CARNMT1: variants seen among roughly 807,000 people sequenced by gnomAD.
CARNMT1 encodes protein-L-histidine N-pros-methyltransferase CARNMT1.
CARNMT1 carries 28 observed loss-of-function variants against 49.6 expected under a neutral mutation model. The ratio of observed to expected loss-of-function variants is 0.56; its 90% CI spans 0.42 to 0.77. CARNMT1 has a LOEUF of 0.77. Ranked by LOEUF, CARNMT1 falls within the 30% of genes least tolerant of loss-of-function variation. The pLI is 0.00. For synonymous variants in CARNMT1, 178 were observed against 175.0 expected, an observed-to-expected ratio of 1.02 and a Z score of -0.13; for missense variants, 421 against 512.6, an observed-to-expected ratio of 0.82 and a Z score of 1.73.
At chr9:75,026,934 C>A in intron 1 of CARNMT1, 1 of 436,686 alleles carries the variant, frequency 2.3e-6, no homozygotes, top group South Asian at 2.0e-5. Context: ...AGCCCCTGCC[C>A]TTGAGGAGGT....
chr9:75,025,942 AATTTATCCAGATATG>A (rs1466940469), intron 1 of CARNMT1, among the ~76,000 whole-genome samples: 1 of 152,236 alleles, frequency 6.6e-6, no homozygotes, highest in African/African-American at 2.4e-5. Flanking sequence ...TTTTAGCTTA[AATTTATCCAGATATG>A]ATTAGTGGCT....
chr9:74,992,283 GA>G (rs1382630379), intron 6 of CARNMT1, among the ~76,000 whole-genome samples: 7 of 149,860 alleles, frequency 4.7e-5, no homozygotes, highest in South Asian at 2.1e-4. Flanking sequence ...AAAAAAAAAA[GA>G]AAAAAAAATT....
rs1822588543 is a variant in CARNMT1, at chr9:75,028,168, C to A, written c.74G>T (p.Ser25Ile). 6.6e-7 allele frequency: 1 copy of A among 1,524,320 alleles called. No individual in the cohort carries two copies. Among genetic ancestry groups the A allele is most frequent in the African/African-American group, 1.4e-5 (1 of 69,358 alleles). 94.4% of individuals were successfully genotyped at this position (1,524,320 alleles called of 1,614,324 possible). ...GGAAAACTGCACTTCCACCTCCTCG[C>A]TGCCACCGCCTCCTCCCCCGCAGCC... ...PEGCGGGGGG[S>I]EEVEVQFSAG... The change falls in exon 1 of 8, where the codon AGC becomes ATC. Residue 25 changes from serine to isoleucine, a missense_variant. Physicochemically the swap from Ser to Ile is moderately radical, Grantham distance 142. Coordinates refer to ENST00000376834, the MANE Select transcript of CARNMT1 (RefSeq NM_152420.3).
chr9:74,998,136 T>A (rs577917615), intron 5 of CARNMT1, among the ~76,000 whole-genome samples: 2 of 152,258 alleles, frequency 1.3e-5, no homozygotes, highest in South Asian at 4.1e-4. Flanking sequence ...TAGCAATAGC[T>A]CCTATTAAAT....
Position 74,983,553 on chromosome 9 carries a change from T to C in CARNMT1, c.*214A>G, listed in dbSNP as rs1832741113. On this transcript the variant is annotated 3_prime_UTR_variant, in exon 8 of 8. Coordinates refer to ENST00000376834, the MANE Select transcript of CARNMT1 (RefSeq NM_152420.3). Reference sequence around the variant, plus strand: ...TACTTCAAGACATTTCCTCCATTTTTACTTGTGTAGTACAAATCTGCATGG... The same window carrying C: ...TACTTCAAGACATTTCCTCCATTTTCACTTGTGTAGTACAAATCTGCATGG... The C allele has an allele frequency of 2.7e-6, 1 of 365,870 alleles. No homozygotes were observed. Among genetic ancestry groups the C allele is most frequent in the Admixed American group, 4.5e-5 (1 of 22,030 alleles). The allele number at this position is 365,870 out of a possible 1,614,324, so 22.7% of individuals were successfully genotyped here.
At chr9:75,012,008 C>T (rs1287690633) in intron 3 of CARNMT1, among the ~76,000 whole-genome samples, 1 of 152,156 alleles carries the variant, frequency 6.6e-6, no homozygotes, top group East Asian at 1.9e-4. Context: ...TTAAGCCAAG[C>T]CCAGACTCCT....
chr9:75,016,273 C>G lies in CARNMT1; in HGVS notation c.585G>C (p.Glu195Asp), dbSNP rs746241409. 4 of 1,612,374 alleles carry G rather than the reference C, an allele frequency of 2.5e-6. No individual in the cohort carries two copies. The highest frequency in any genetic ancestry group is 4.5e-5 in the East Asian group (2 of 44,864). Residue 195 changes from glutamate to aspartate, a missense_variant, in exon 3 of 8, where the codon GAG becomes GAC. Around this residue, in one of 2 missense-constraint regions of CARNMT1, gnomAD observed 235 missense variants for 344.8 expected, o/e 0.68. Transcript: ENST00000376834. ...IKEILKNFPK[E>D]RWDPSKVNIL... ...AAAAATGAGGTACTATTTACCATCTCTCTTTTGGAAAATTTTTTAAAATTT... is the reference window on the plus strand; with the variant it reads ...AAAAATGAGGTACTATTTACCATCTGTCTTTTGGAAAATTTTTTAAAATTT...
Position 74,986,456 on chromosome 9 carries a change from AAT to A in CARNMT1, c.1025-1448_1025-1447del, listed in dbSNP as rs1832842402. 2.6e-5 allele frequency among the ~76,000 whole-genome samples: 4 copies of A among 152,318 alleles called. No homozygotes were observed. In the South Asian group the frequency reaches 6.2e-4, roughly 24 times the overall value. Reference sequence around the variant, plus strand: ...AATTTGTTATATTAGTACCAGTAAAAATGATTGTTTTCTACCATTTCCTGAGC... The same window carrying A: ...AATTTGTTATATTAGTACCAGTAAAAGATTGTTTTCTACCATTTCCTGAGC... On this transcript the variant is annotated intron_variant, in intron 6 of 7. Coordinates refer to ENST00000376834, the MANE Select transcript of CARNMT1 (RefSeq NM_152420.3).
At position 74,981,366 on chromosome 9, in the gene CARNMT1, T is replaced by A. The variant is rs1315516610; in HGVS notation, c.*2401A>T. On this transcript the variant is annotated 3_prime_UTR_variant, in exon 8 of 8. Transcript: ENST00000376834. ...TAAAGTAAATGAAAATGTTTGTGTA[T>A]AAAGCTAATTTAAGAAAAACATTTT... 1 of 152,144 alleles carries A rather than the reference T, an allele frequency of 6.6e-6. No homozygotes were observed. Among genetic ancestry groups the A allele is most frequent in the Non-Finnish European group, 1.5e-5 (1 of 67,988 alleles). 9.4% of individuals were successfully genotyped at this position (152,144 alleles called of 1,614,324 possible). A position where few individuals can be genotyped will look rare whatever the true frequency, so the allele number is the denominator to read the frequency against.
intron 3 of CARNMT1, among the ~76,000 whole-genome samples, chr9:75,015,437 TA>T (rs1275639359): frequency 4.6e-5 from 7 of 152,300 alleles, no homozygotes; most frequent in African/African-American, 1.7e-4. Context: ...TTGATAACTG[TA>T]TTTCAAAATC....
intron 1 of CARNMT1, among the ~76,000 whole-genome samples, chr9:75,022,940 A>G (rs574278933): frequency 6.6e-6 from 1 of 152,060 alleles, no homozygotes; most frequent in African/African-American, 2.4e-5. Context: ...TTCGAGATCA[A>G]GAACATCCTG....
In CARNMT1 at chr9:75,017,045, A is replaced by G. The variant is rs1186435154; in HGVS notation, c.426+208T>C. On this transcript the variant is annotated intron_variant, in intron 2 of 7. Coordinates refer to ENST00000376834, the MANE Select transcript of CARNMT1 (RefSeq NM_152420.3). Reference sequence around the variant, plus strand: ...AAAATGCATCAAAATCTCAACAGTTATATTAGTACTTAAAAAAGGAAAACA... The same window carrying G: ...AAAATGCATCAAAATCTCAACAGTTGTATTAGTACTTAAAAAAGGAAAACA... 5.8e-6 allele frequency: 3 copies of G among 513,374 alleles called. No individual in the cohort carries two copies. The African/African-American group carries it at 5.9e-5, about 10-fold the overall frequency. 31.8% of individuals were successfully genotyped at this position (513,374 alleles called of 1,614,324 possible). A position where few individuals can be genotyped will look rare whatever the true frequency, so the allele number is the denominator to read the frequency against.
Position 74,981,932 on chromosome 9 carries a change from A to T in CARNMT1, c.*1835T>A, listed in dbSNP as rs1272947401. ...TTGAGTTTTTTTTTTCTTCCTTGCC[A>T]CTAAATTCAAACTCATTCATGTAAG... On this transcript the variant is annotated 3_prime_UTR_variant, in exon 8 of 8. Transcript: ENST00000376834. 6.6e-6 allele frequency: 1 copy of T among 151,444 alleles called. No homozygotes were observed. The allele number at this position is 151,444 out of a possible 1,614,324, so 9.4% of individuals were successfully genotyped here.
intron 1 of CARNMT1, among the ~76,000 whole-genome samples, chr9:75,023,616 A>C (rs1029882379): frequency 6.6e-6 from 1 of 152,228 alleles, no homozygotes; most frequent in Non-Finnish European, 1.5e-5. Flanking sequence ...AAAGTTGAGA[A>C]TATAGTCCAA....
At position 74,983,043 on chromosome 9, in the gene CARNMT1, C is replaced by G. The variant is rs1832726584; in HGVS notation, c.*724G>C. 1 of 152,020 alleles carries G rather than the reference C, an allele frequency of 6.6e-6. No individual in the cohort carries two copies. The highest frequency in any genetic ancestry group is 1.5e-5 in the Non-Finnish European group (1 of 68,000). The allele number at this position is 152,020 out of a possible 1,614,324, so 9.4% of individuals were successfully genotyped here. A position where few individuals can be genotyped will look rare whatever the true frequency, so the allele number is the denominator to read the frequency against. ...ATGTTTGATGCTTCTTTAAGTTCAT[C>G]TGAGCCAGAAAATACAAAATTAAAT... On this transcript the variant is annotated 3_prime_UTR_variant, in exon 8 of 8. Coordinates refer to ENST00000376834, the MANE Select transcript of CARNMT1 (RefSeq NM_152420.3).
intron 6 of CARNMT1, among the ~76,000 whole-genome samples, chr9:74,989,113 T>A (rs577305692): frequency 1.3e-5 from 2 of 152,294 alleles, no homozygotes; most frequent in African/African-American, 4.8e-5. Context: ...TTATTCTTTT[T>A]TTCATTTTTT....
chr9:75,006,223 T>A (rs1188258947), intron 3 of CARNMT1, among the ~76,000 whole-genome samples: 1 of 152,076 alleles, frequency 6.6e-6, no homozygotes, highest in Admixed American at 6.5e-5. Context: ...AGCAAATTTT[T>A]GTATTTTTAG....
intron 3 of CARNMT1, among the ~76,000 whole-genome samples, chr9:75,005,358 A>T (rs1232304239): frequency 6.6e-6 from 1 of 152,238 alleles, no homozygotes; most frequent in African/African-American, 2.4e-5. Context: ...ACTCAGGCAT[A>T]TTAAAAACTT....
chr9:74,987,131 T>C (rs150604848), intron 6 of CARNMT1, among the ~76,000 whole-genome samples: 1 of 152,330 alleles, frequency 6.6e-6, no homozygotes, highest in East Asian at 1.9e-4. Context: ...CAAAGAGTTA[T>C]AAGTTTTCAC....
Sources: gnomAD v4.1 joint callset for allele counts (sites outside exome capture counted in the v4.1 genomes callset) on GRCh38, gnomAD v4.1.1 for gene constraint, gnomAD v4.1.1 regional missense constraint, MANE v1.5 for transcripts, NCBI Gene and HGNC (gene_info 2026-07-23, HGNC 2026-07-21) for gene names.